SNX29: variants seen among roughly 807,000 people sequenced by gnomAD.
The protein encoded by SNX29 is sorting nexin 29.
In SNX29, 78 loss-of-function variants were observed where a neutral mutation model predicts 102.1. The observed-to-expected ratio is 0.76, with a 90% CI of 0.64 to 0.92. SNX29 has a LOEUF of 0.92. Among genes scored for constraint, SNX29 ranks in the 40% least tolerant of loss-of-function variants. The pLI is 0.00. For synonymous variants in SNX29, 580 were observed against 414.5 expected, an observed-to-expected ratio of 1.40 and a Z score of -4.85; for missense variants, 1,280 against 1,061.7, an observed-to-expected ratio of 1.21 and a Z score of -2.86.
chr16:12,519,590 T>G (rs923710419), intron 19 of SNX29, among the ~76,000 whole-genome samples: 1 of 152,218 alleles, frequency 6.6e-6, no homozygotes, highest in Non-Finnish European at 1.5e-5. Context: ...TTAAAACACC[T>G]TAGCGAAAAG....
At chr16:12,565,467 C>G (rs1461926173) in intron 20 of SNX29, among the ~76,000 whole-genome samples, 1 of 152,196 alleles carries the variant, frequency 6.6e-6, no homozygotes, top group African/African-American at 2.4e-5. Flanking sequence ...TGGGTTCTCT[C>G]AAACCATCAC....
chr16:12,567,256 C>A (rs1486980628), intron 20 of SNX29, among the ~76,000 whole-genome samples: 1 of 152,208 alleles, frequency 6.6e-6, no homozygotes, highest in Non-Finnish European at 1.5e-5. Flanking sequence ...GTCCTGTCTT[C>A]CCTTGTAGGG....
intron 14 of SNX29, among the ~76,000 whole-genome samples, chr16:12,262,841 A>G (rs1473562330): frequency 6.6e-6 from 1 of 152,206 alleles, no homozygotes; most frequent in Non-Finnish European, 1.5e-5. Flanking sequence ...GAGTTGTGCA[A>G]CCATCACCAC....
At chr16:12,543,863 C>T (rs753206356) in intron 20 of SNX29, among the ~76,000 whole-genome samples, 7 of 152,196 alleles carry the variant, frequency 4.6e-5, no homozygotes, top group African/African-American at 7.2e-5. Flanking sequence ...GGTGGAACAT[C>T]CTCTTACCAC....
chr16:12,292,196 G>T (rs114126251), intron 15 of SNX29, among the ~76,000 whole-genome samples: 1 of 152,278 alleles, frequency 6.6e-6, no homozygotes, highest in South Asian at 2.1e-4. Flanking sequence ...CAGCAGGTGC[G>T]AAGGTTTGGC....
intron 12 of SNX29, among the ~76,000 whole-genome samples, chr16:12,128,078 T>C (rs564664249): frequency 8.5e-5 from 13 of 152,292 alleles, no homozygotes; most frequent in Admixed American, 2.0e-4. Flanking sequence ...TGGAAACATA[T>C]AAAAGCAAAC....
chr16:12,129,539 C>T, intron 12 of SNX29, 91 bp from the exon 13 acceptor site: 1 of 1,468,184 alleles, frequency 6.8e-7, no homozygotes. Context: ...AAACGCATGG[C>T]TTAGGACTTG....
intron 15 of SNX29, among the ~76,000 whole-genome samples, chr16:12,295,767 G>T (rs370505122): frequency 1.3e-5 from 2 of 151,354 alleles, no homozygotes; most frequent in Non-Finnish European, 2.9e-5. Context: ...TTGAAATTGG[G>T]TTCTTTTTTT....
chr16:12,199,854 C>T (rs1018144105), intron 14 of SNX29, among the ~76,000 whole-genome samples, 171 bp downstream of exon 14: 2 of 152,210 alleles, frequency 1.3e-5, no homozygotes, highest in African/African-American at 4.8e-5. Flanking sequence ...TGATGCGTAT[C>T]CCTGCAACAT....
chr16:12,336,435 G>A (rs919134355), intron 15 of SNX29, among the ~76,000 whole-genome samples: 5 of 152,194 alleles, frequency 3.3e-5, no homozygotes, highest in Non-Finnish European at 4.4e-5. Flanking sequence ...TGGCCTGGAC[G>A]TGTTGGCACG....
At chr16:12,480,393 C>T (rs1256291652) in intron 19 of SNX29, among the ~76,000 whole-genome samples, 1 of 152,156 alleles carries the variant, frequency 6.6e-6, no homozygotes, top group African/African-American at 2.4e-5. Flanking sequence ...CTTCCATCAT[C>T]ATAGTCACAT....
chr16:12,459,169 T>C (rs1450800119), intron 18 of SNX29, among the ~76,000 whole-genome samples: 4 of 109,486 alleles, frequency 3.7e-5, no homozygotes, highest in Admixed American at 1.0e-4. Flanking sequence ...CCTCCTCCCC[T>C]ATCCTCCTAC....
intron 14 of SNX29, among the ~76,000 whole-genome samples, chr16:12,265,631 T>G (rs9937220): frequency 0.65 from 92,986 of 144,100 alleles, 29,922 homozygotes; most frequent in African/African-American, 0.77. Context: ...GAGGCTGAGG[T>G]GGGTGGATCA....
intron 20 of SNX29, among the ~76,000 whole-genome samples, chr16:12,563,876 G>GC (rs1555462647): frequency 6.6e-6 from 1 of 152,182 alleles, no homozygotes; most frequent in African/African-American, 2.4e-5. Context: ...CCCATCTCTA[G>GC]CCCCTTGGGC....
At chr16:12,512,944 C>T (rs997775964) in intron 19 of SNX29, among the ~76,000 whole-genome samples, 5 of 152,128 alleles carry the variant, frequency 3.3e-5, no homozygotes, top group Non-Finnish European at 7.4e-5. Flanking sequence ...GGTGGCAGAG[C>T]GGAGTTGCTG....
intron 14 of SNX29, among the ~76,000 whole-genome samples, chr16:12,236,736 T>G (rs1237120594): frequency 6.6e-6 from 1 of 152,202 alleles, no homozygotes; most frequent in Non-Finnish European, 1.5e-5. Flanking sequence ...CGTTCCTCTT[T>G]CGCATCTCCC....
chr16:12,487,226 G>T (rs527832133), intron 19 of SNX29, among the ~76,000 whole-genome samples: 1 of 152,240 alleles, frequency 6.6e-6, no homozygotes, highest in Admixed American at 6.5e-5. Flanking sequence ...AGTGAAGTGG[G>T]GCGAGCAGAC....
At chr16:12,203,059 G>A (rs1180144839) in intron 14 of SNX29, among the ~76,000 whole-genome samples, 1 of 152,004 alleles carries the variant, frequency 6.6e-6, no homozygotes, top group Non-Finnish European at 1.5e-5. Context: ...AGGTGGACTG[G>A]TGGCATTGGA....
At chr16:12,177,750 T>C (rs1021873495) in intron 13 of SNX29, among the ~76,000 whole-genome samples, 10 of 152,244 alleles carry the variant, frequency 6.6e-5, no homozygotes, top group African/African-American at 2.4e-4. Context: ...ATTCTGTATC[T>C]GGTGCTTTGT....
Sources: allele counts gnomAD v4.1 joint callset (sites outside exome capture counted in the v4.1 genomes callset), GRCh38; gene constraint gnomAD v4.1.1; transcripts MANE v1.5; gene names NCBI Gene and HGNC (gene_info 2026-07-23, HGNC 2026-07-21).